The following MYO6 variants were observed in gnomAD, a reference collection of about 807,000 sequenced individuals.
MYO6 encodes unconventional myosin-VI.
Under a neutral mutation model 178.7 loss-of-function variants are expected in MYO6, and 74 were observed. The ratio of observed to expected loss-of-function variants is 0.41; its 90% confidence interval spans 0.34 to 0.50. The LOEUF (loss-of-function observed/expected upper bound fraction) is 0.50. Ranked by LOEUF, MYO6 falls within the 20% of genes least tolerant of loss-of-function variation. The probability of loss-of-function intolerance (pLI) is 0.09; values close to 1 mark genes in which losing one functional copy is unlikely to be tolerated. For missense variants in MYO6, 1,330 were observed against 1,547.4 expected (o/e 0.86, Z 2.36); for synonymous variants, 477 against 504.6 (o/e 0.95, Z 0.73).
intron 1 of MYO6, among the ~76,000 whole-genome samples, chr6:75,800,240 G>A (rs1008063147): frequency 2.6e-5 from 4 of 152,062 alleles, no homozygotes; most frequent in African/African-American, 9.7e-5. Context: ...TTGGTATGCG[G>A]CTGAACAAAG....
intron 20 of MYO6, among the ~76,000 whole-genome samples, chr6:75,875,563 A>G (rs1177068149): frequency 6.6e-6 from 1 of 152,234 alleles, no homozygotes; most frequent in East Asian, 1.9e-4. Flanking sequence ...ATGGGATTAT[A>G]GGCATGAGCT....
At chr6:75,911,601 A>C in intron 32 of MYO6, 71 bp from the exon 33 acceptor site, 1 of 1,367,054 alleles carries the variant, frequency 7.3e-7, no homozygotes, top group African/African-American at 1.4e-5. Flanking sequence ...AGGCTTTATA[A>C]ATTAGAAAAA....
chr6:75,757,030 T>C (rs866630924), intron 1 of MYO6, among the ~76,000 whole-genome samples: 1 of 141,890 alleles, frequency 7.0e-6, no homozygotes, highest in South Asian at 2.3e-4. Flanking sequence ...TACACACATA[T>C]ATAGTGTGTA....
At chr6:75,906,740 C>T (rs141293579) in intron 30 of MYO6, among the ~76,000 whole-genome samples, 84 of 152,158 alleles carry the variant, frequency 5.5e-4, no homozygotes, top group African/African-American at 1.8e-3. Context: ...TAAAGCACTG[C>T]GTAGCACTGT....
intron 1 of MYO6, among the ~76,000 whole-genome samples, chr6:75,781,917 C>CAAA (rs10584481): frequency 9.0e-5 from 4 of 44,636 alleles, no homozygotes; most frequent in Middle Eastern, 0.023. Context: ...GACTCCATCT[C>CAAA]AAAAAAAAAA....
At chr6:75,867,894 A>C (rs1776826017) in intron 18 of MYO6, among the ~76,000 whole-genome samples, 1 of 152,158 alleles carries the variant, frequency 6.6e-6, no homozygotes, top group Non-Finnish European at 1.5e-5. Context: ...AAAATTTGTG[A>C]AGTTATGAGT....
At chr6:75,902,594 C>T (rs1169224644) in intron 30 of MYO6, among the ~76,000 whole-genome samples, 3 of 152,002 alleles carry the variant, frequency 2.0e-5, no homozygotes, top group East Asian at 1.9e-4. Context: ...TTTTTGATTG[C>T]GTCTATTTGA....
chr6:75,869,720 A>G (rs1162640393), intron 18 of MYO6, among the ~76,000 whole-genome samples: 1 of 152,244 alleles, frequency 6.6e-6, no homozygotes, highest in Non-Finnish European at 1.5e-5. Flanking sequence ...AATCAATGTT[A>G]TAAAAACAAG....
intron 1 of MYO6, among the ~76,000 whole-genome samples, chr6:75,759,479 A>AG (rs1253732193): frequency 6.6e-6 from 1 of 152,056 alleles, no homozygotes; most frequent in East Asian, 1.9e-4. Context: ...TTGAAGCAGG[A>AG]GGGGCGTGAA....
At chr6:75,867,246 G>A in intron 18 of MYO6, 141 bp downstream of exon 18, 1 of 677,900 alleles carries the variant, frequency 1.5e-6, no homozygotes, top group Non-Finnish European at 2.4e-6. Flanking sequence ...ATATTTGTAT[G>A]TAAAATATCA....
chr6:75,806,689 T>C (rs1370956276), intron 1 of MYO6, among the ~76,000 whole-genome samples: 1 of 152,194 alleles, frequency 6.6e-6, no homozygotes. Context: ...CCACAAACAA[T>C]AGCATGAGTG....
At chr6:75,760,453 A>C (rs183240504) in intron 1 of MYO6, among the ~76,000 whole-genome samples, 90 of 152,312 alleles carry the variant, frequency 5.9e-4, no homozygotes, top group African/African-American at 2.1e-3. Flanking sequence ...AAGAAGTACA[A>C]GATCTTACTC....
Position 75,853,790 on chromosome 6 carries a change from A to G in MYO6, c.1079-1349A>G, listed in dbSNP as rs1410845605. On this transcript the variant is annotated intron_variant, in intron 11 of 34. Transcript: ENST00000369977. ...CGTTTATTAATATTAATCTGAAAAT[A>G]TTTGTAAAATGCTATTTTTTATTAT... 2.0e-5 allele frequency among the ~76,000 whole-genome samples: 3 copies of G among 152,218 alleles called. No individual in the cohort carries two copies. In the East Asian group the frequency reaches 5.8e-4, roughly 29 times the overall value.
In MYO6 at chr6:75,894,381, G is replaced by A. The variant is rs940691527; in HGVS notation, c.3108-850G>A. 3.3e-5 allele frequency among the ~76,000 whole-genome samples: 5 copies of A among 152,168 alleles called. No individual in the cohort carries two copies. The South Asian group carries it at 6.2e-4, about 19-fold the overall frequency. On this transcript the variant is annotated intron_variant, in intron 28 of 34. Transcript: ENST00000369977. ...TATTCAAACCCTTATGACCTGAAAGGCAGAAGAGCTAGTTTTAGTTATGTG... is the reference window on the plus strand; with the variant it reads ...TATTCAAACCCTTATGACCTGAAAGACAGAAGAGCTAGTTTTAGTTATGTG...
chr6:75,910,431 C>T (rs1289065809), intron 32 of MYO6, among the ~76,000 whole-genome samples: 1 of 152,126 alleles, frequency 6.6e-6, no homozygotes, highest in African/African-American at 2.4e-5. Context: ...CCTTATTCAT[C>T]TAGCTTTACC....
intron 1 of MYO6, among the ~76,000 whole-genome samples, chr6:75,807,677 G>A (rs1023420595): frequency 6.6e-6 from 1 of 152,202 alleles, no homozygotes; most frequent in African/African-American, 2.4e-5. Flanking sequence ...AAGGAATAAA[G>A]AATAGCTCCT....
intron 2 of MYO6, among the ~76,000 whole-genome samples, chr6:75,822,104 CT>C (rs1267203816): frequency 3.6e-5 from 5 of 140,568 alleles, no homozygotes; most frequent in Non-Finnish European, 7.8e-5. Context: ...TTTTTTCTGT[CT>C]TTTTTTTTTG....
chr6:75,868,112 C>T (rs190808032), intron 18 of MYO6, among the ~76,000 whole-genome samples: 63 of 151,736 alleles, frequency 4.2e-4, no homozygotes, highest in African/African-American at 1.5e-3. Flanking sequence ...ATAAGCCTCC[C>T]CAAATTTATT....
intron 9 of MYO6, among the ~76,000 whole-genome samples, chr6:75,844,081 TG>T (rs755101511): frequency 3.3e-5 from 5 of 152,176 alleles, no homozygotes; most frequent in Non-Finnish European, 7.4e-5. Context: ...CTTTAGGCTG[TG>T]TGTAATTTTC....
Sources: allele counts gnomAD v4.1 joint callset (sites outside exome capture counted in the v4.1 genomes callset), GRCh38; gene constraint gnomAD v4.1.1; transcripts MANE v1.5; gene names NCBI Gene and HGNC (gene_info 2026-07-23, HGNC 2026-07-21).